MAST2: variants seen among roughly 807,000 people sequenced by gnomAD.
MAST2 encodes microtubule associated serine/threonine kinase 2.
MAST2 carries 70 observed loss-of-function variants against 147.4 expected under a neutral mutation model. That is an observed-to-expected ratio of 0.47 (90% CI 0.39 to 0.58). The LOEUF (loss-of-function observed/expected upper bound fraction) is 0.58, where lower values mean the gene tolerates loss of function less well. Among genes scored for constraint, MAST2 ranks in the 20% least tolerant of loss-of-function variants. MAST2 has a pLI of 0.00. For synonymous variants in MAST2, 869 were observed against 896.8 expected (o/e 0.97, Z 0.55); for missense variants, 2,080 against 2,302.3 (o/e 0.90, Z 1.98).
chr1:45,933,063 T>TTA (rs770283204), intron 4 of MAST2, among the ~76,000 whole-genome samples: 9 of 88,256 alleles, frequency 1.0e-4, no homozygotes, highest in East Asian at 4.4e-4. Flanking sequence ...CCCATTTCTT[T>TTA]AAAAAAAAAA....
intron 4 of MAST2, among the ~76,000 whole-genome samples, chr1:45,899,037 A>T (rs1649257454): frequency 6.6e-6 from 1 of 152,180 alleles, no homozygotes. Flanking sequence ...ACTCAAACAC[A>T]GGGGCTTCTA....
At position 46,035,364 on chromosome 1, in the gene MAST2, G is replaced by A. The variant is rs375200421; in HGVS notation, c.4695G>A (p.Gly1565=). 39 of 1,613,244 alleles carry A rather than the reference G, an allele frequency of 2.4e-5. No individual in the cohort carries two copies. Among genetic ancestry groups the A allele is most frequent in the Non-Finnish European group, 3.1e-5 (37 of 1,179,744 alleles). ...CAATGGTCCCAAGCCTATTGACAGG[G>A]ATCACACTGGGGCCTCCCAGAATGG... ...LGPMVPSLLT[G]ITLGPPRMES... is the part of the protein sequence containing the mutation. The change falls in exon 29 of 29, where the codon GGG becomes GGA. Residue 1565 remains glycine, a synonymous_variant. Coordinates refer to ENST00000361297, the MANE Select transcript of MAST2 (RefSeq NM_015112.3). The surrounding 1 kb of genome is among the most constrained non-coding windows in gnomAD (Gnocchi z 5.5).
intron 4 of MAST2, among the ~76,000 whole-genome samples, chr1:45,921,270 A>G (rs977143454): frequency 6.6e-6 from 1 of 152,168 alleles, no homozygotes; most frequent in African/African-American, 2.4e-5. Flanking sequence ...CTGGGATTAC[A>G]GGTGTGAGCC....
chr1:46,016,059 A>T (rs1209604747), intron 10 of MAST2, among the ~76,000 whole-genome samples: 1 of 152,014 alleles, frequency 6.6e-6, no homozygotes, highest in African/African-American at 2.4e-5. Context: ...ATATAAACAG[A>T]ACCAAAGACA....
At chr1:45,941,382 C>T (rs1214661226) in intron 4 of MAST2, among the ~76,000 whole-genome samples, 1 of 152,314 alleles carries the variant, frequency 6.6e-6, no homozygotes, top group Admixed American at 6.5e-5. Context: ...TCCTCAGCCT[C>T]CCGAGTAGCT....
At chr1:45,958,230 G>C (rs1033271183) in intron 4 of MAST2, among the ~76,000 whole-genome samples, 3 of 151,984 alleles carry the variant, frequency 2.0e-5, no homozygotes, top group African/African-American at 7.3e-5. Context: ...CCTTCCATCA[G>C]CCCTACAGAG....
At chr1:45,933,603 A>T (rs1191593167) in intron 4 of MAST2, among the ~76,000 whole-genome samples, 2 of 151,438 alleles carry the variant, frequency 1.3e-5, no homozygotes, top group Admixed American at 1.3e-4. Flanking sequence ...AAAAAAAAAA[A>T]ATTAGCTGGG....
At chr1:46,019,132 A>G (rs1386325952) in intron 10 of MAST2, among the ~76,000 whole-genome samples, 2 of 152,028 alleles carry the variant, frequency 1.3e-5, no homozygotes, top group East Asian at 1.9e-4. Flanking sequence ...GTTGCCTGCT[A>G]ATGGGTTTTC....
chr1:45,867,832 T>C (rs1399089173), intron 3 of MAST2, among the ~76,000 whole-genome samples: 4 of 152,192 alleles, frequency 2.6e-5, no homozygotes, highest in African/African-American at 9.7e-5. Flanking sequence ...GTGGTTTAAA[T>C]GTTAGGTAAA....
At chr1:45,991,897 T>A (rs1474254308) in intron 5 of MAST2, among the ~76,000 whole-genome samples, 1 of 152,214 alleles carries the variant, frequency 6.6e-6, no homozygotes, top group Non-Finnish European at 1.5e-5. Flanking sequence ...GCTTTTTAAT[T>A]TATGTATTTT....
intron 5 of MAST2, among the ~76,000 whole-genome samples, chr1:45,971,448 T>C (rs774335610): frequency 6.6e-6 from 1 of 152,174 alleles, no homozygotes; most frequent in African/African-American, 2.4e-5. Context: ...GAGCACACAG[T>C]ATCTTTGTAG....
intron 4 of MAST2, among the ~76,000 whole-genome samples, chr1:45,916,383 A>G (rs965782329): frequency 6.6e-6 from 1 of 152,206 alleles, no homozygotes; most frequent in Non-Finnish European, 1.5e-5. Flanking sequence ...TATTATTTTT[A>G]TCATGTGTCG....
At chr1:45,912,154 T>A (rs890880034) in intron 4 of MAST2, among the ~76,000 whole-genome samples, 1 of 152,050 alleles carries the variant, frequency 6.6e-6, no homozygotes, top group Non-Finnish European at 1.5e-5. Context: ...AAGAGGGTGC[T>A]GAGAGGGCTG....
intron 16 of MAST2, among the ~76,000 whole-genome samples, chr1:46,026,859 C>CT (rs1469687991): frequency 1.3e-5 from 2 of 152,134 alleles, no homozygotes; most frequent in Non-Finnish European, 2.9e-5. Flanking sequence ...CTTATTAAGT[C>CT]TGAGTTTGAG....
intron 3 of MAST2, chr1:45,847,030 A>T (rs1645460173): frequency 2.8e-6 from 1 of 359,614 alleles, no homozygotes; most frequent in East Asian, 7.8e-5. Context: ...GAGTCATTTG[A>T]TTCATCGTTT....
At chr1:45,830,395 G>A (rs6674794) in intron 3 of MAST2, among the ~76,000 whole-genome samples, 42,955 of 151,330 alleles carry the variant, frequency 0.28, 6,201 homozygotes, top group South Asian at 0.39. Context: ...GGCTGGTCTT[G>A]AACTCCTGAC....
At chr1:45,975,013 A>T (rs1644076817) in intron 5 of MAST2, among the ~76,000 whole-genome samples, 2 of 152,154 alleles carry the variant, frequency 1.3e-5, no homozygotes, top group Admixed American at 1.3e-4. Flanking sequence ...GGGTGTTTTT[A>T]TGGAGAACAG....
chr1:45,938,100 T>C (rs772264032), intron 4 of MAST2, among the ~76,000 whole-genome samples: 40 of 152,236 alleles, frequency 2.6e-4, no homozygotes, highest in Non-Finnish European at 2.5e-4. Context: ...TTGAACTTTA[T>C]ACATGTAGCA....
At chr1:45,889,407 A>G (rs7515491) in intron 4 of MAST2, among the ~76,000 whole-genome samples, 69,164 of 151,504 alleles carry the variant, frequency 0.46, 15,975 homozygotes, top group East Asian at 0.66. Flanking sequence ...GGCTGGTCTC[A>G]AACTCCTGGG....
Sources: allele counts gnomAD v4.1 joint callset (sites outside exome capture counted in the v4.1 genomes callset), GRCh38; gene constraint gnomAD v4.1.1; non-coding constraint Gnocchi (gnomAD v3.1); transcripts MANE v1.5; gene names NCBI Gene and HGNC (gene_info 2026-07-23, HGNC 2026-07-21).